The following BTK variants were observed in gnomAD, a reference collection of about 807,000 sequenced individuals.
BTK encodes tyrosine-protein kinase BTK.
In BTK, 5 loss-of-function variants were observed where a neutral mutation model predicts 57.4. That is an observed-to-expected ratio of 0.09 (90% CI 0.05 to 0.18). The LOEUF (loss-of-function observed/expected upper bound fraction) is 0.18. BTK is among the 10% of genes least tolerant of loss of function. The pLI, the probability that BTK is intolerant of heterozygous loss-of-function variation, is 1.00. For missense variants in BTK, 194 were observed against 501.2 expected (o/e 0.39, Z 5.85); for synonymous variants, 154 against 174.3 (o/e 0.88, Z 0.92).
chrX:101,383,051 T>A (rs1555982016), intron 1 of BTK, among the ~76,000 whole-genome samples: 2 of 111,411 alleles, frequency 1.8e-5, no homozygotes, highest in African/African-American at 6.5e-5. Context: ...AGAAAATATG[T>A]CAAGTACAGG....
At chrX:101,357,000 T>A in intron 13 of BTK, 45 bp from the exon 14 acceptor site, 1 of 1,188,533 alleles carries the variant, frequency 8.4e-7, no homozygotes, top group Non-Finnish European at 1.1e-6. Context: ...CATGAATGTA[T>A]AATTCTTACA....
At chrX:101,350,401 CTTTTT>C (rs782749965) in intron 18 of BTK, among the ~76,000 whole-genome samples, 1 of 68,710 alleles carries the variant, frequency 1.5e-5, no homozygotes, top group Non-Finnish European at 2.7e-5. Context: ...TACCTGGGAC[CTTTTT>C]TTTTTTTTTT....
chrX:101,373,658 G>C (rs782272147), intron 3 of BTK, among the ~76,000 whole-genome samples: 3 of 112,241 alleles, frequency 2.7e-5, no homozygotes, highest in African/African-American at 9.7e-5. Context: ...CTGGGTAACA[G>C]GATTATGCAT....
rs1555980783 is a variant in BTK, at chrX:101,374,526, C to T, written c.240+10G>A. The T allele has an allele frequency of 1.7e-6, 2 of 1,195,641 alleles. No homozygotes were observed. Among genetic ancestry groups the T allele is most frequent in the African/African-American group, 3.5e-5 (2 of 57,599 alleles). ...GCTGTTCCCCATCTCAGACATTGGTCTCTTCTTACCGGAATCTGTCTTTCT... is the reference window on the plus strand; with the variant it reads ...GCTGTTCCCCATCTCAGACATTGGTTTCTTCTTACCGGAATCTGTCTTTCT... On this transcript the variant is annotated intron_variant, in intron 3 of 18. Coordinates refer to ENST00000308731, the MANE Select transcript of BTK (RefSeq NM_000061.3).
chrX:101,379,791 T>C (rs1927351824), intron 1 of BTK, among the ~76,000 whole-genome samples: 1 of 111,929 alleles, frequency 8.9e-6, no homozygotes, highest in Non-Finnish European at 1.9e-5. Context: ...TAAGAGAGTA[T>C]TCAAGATCCT....
intron 8 of BTK, 125 bp downstream of exon 8, chrX:101,360,443 G>A: frequency 1.3e-6 from 1 of 761,372 alleles, no homozygotes; most frequent in Non-Finnish European, 2.0e-6. Flanking sequence ...GGGAGAGCAT[G>A]TTCAGTCTGG....
chrX:101,388,530 A>G (rs191622745), upstream of BTK, among the ~76,000 whole-genome samples: 37 of 112,054 alleles, frequency 3.3e-4, no homozygotes, highest in Middle Eastern at 4.6e-3. Flanking sequence ...TAGTCTATGA[A>G]TGGTGCAAGG....
intron 1 of BTK, among the ~76,000 whole-genome samples, chrX:101,379,555 C>T (rs1927343795): frequency 8.9e-6 from 1 of 112,453 alleles, no homozygotes; most frequent in African/African-American, 3.2e-5. Context: ...CCATCTGTAG[C>T]TCTTGGTATA....
chrX:101,388,897 T>C (rs1927695760), upstream of BTK, among the ~76,000 whole-genome samples: 2 of 111,760 alleles, frequency 1.8e-5, no homozygotes, highest in African/African-American at 6.5e-5. Context: ...CCTAGAGTCC[T>C]GCATTCAGTT....
intron 12 of BTK, 59 bp from the exon 13 acceptor site, chrX:101,357,642 C>T: frequency 1.1e-6 from 1 of 949,773 alleles, no homozygotes; most frequent in Non-Finnish European, 1.5e-6. Context: ...ATGCCTCACA[C>T]ATCCTCACTT....
At chrX:101,377,742 T>C (rs1927257382) in intron 1 of BTK, 1 of 111,812 alleles carries the variant, frequency 8.9e-6, no homozygotes, top group East Asian at 2.8e-4. Flanking sequence ...GCTCTGACTA[T>C]GAGGAAGTAA....
chrX:101,370,261 A>G (rs1423834847), intron 4 of BTK, among the ~76,000 whole-genome samples, 182 bp from the exon 5 acceptor site: 1 of 112,069 alleles, frequency 8.9e-6, no homozygotes, highest in African/African-American at 3.2e-5. Flanking sequence ...TGAACTCTTC[A>G]TATCTAGGAA....
At chrX:101,375,071 C>G in intron 2 of BTK, 73 bp downstream of exon 2, 2 of 1,181,336 alleles carry the variant, frequency 1.7e-6, no homozygotes, top group Non-Finnish European at 2.3e-6. Flanking sequence ...GAAAATTTAC[C>G]TCTTCCCCAA....
At chrX:101,362,013 C>G (rs1603009787) in intron 7 of BTK, among the ~76,000 whole-genome samples, 160 bp downstream of exon 7, 1 of 112,769 alleles carries the variant, frequency 8.9e-6, no homozygotes, top group Non-Finnish European at 1.9e-5. Flanking sequence ...ATCTTTCCAT[C>G]GAGGAGGAAA....
intron 18 of BTK, among the ~76,000 whole-genome samples, chrX:101,350,971 C>T (rs1926268244): frequency 8.9e-6 from 1 of 111,766 alleles, no homozygotes; most frequent in Non-Finnish European, 1.9e-5. Context: ...CATAGCTAAT[C>T]AGAATTTCTG....
chrX:101,363,621 G>A (rs976463036), intron 5 of BTK, among the ~76,000 whole-genome samples: 2 of 107,122 alleles, frequency 1.9e-5, no homozygotes, highest in Non-Finnish European at 3.8e-5. Flanking sequence ...CAAGAGAATC[G>A]CTTGAACCTG....
At chrX:101,353,040 TG>T in intron 18 of BTK, 153 bp downstream of exon 18, 1 of 540,291 alleles carries the variant, frequency 1.9e-6, no homozygotes, top group Non-Finnish European at 3.0e-6. Context: ...TACTCCAACC[TG>T]GGTGAAAGAG....
intron 1 of BTK, among the ~76,000 whole-genome samples, chrX:101,376,739 G>A (rs1470129311): frequency 9.1e-6 from 1 of 110,409 alleles, no homozygotes; most frequent in East Asian, 2.8e-4. Flanking sequence ...TGGTGGGGGG[G>A]TGGGGGTGGG....
intron 16 of BTK, chrX:101,354,191 G>A: frequency 1.4e-5 from 6 of 440,041 alleles, no homozygotes; most frequent in Non-Finnish European, 2.0e-5. Context: ...TTGACAATAT[G>A]GTTACAAGAA....
Sources: allele counts gnomAD v4.1 joint callset (sites outside exome capture counted in the v4.1 genomes callset), GRCh38; gene constraint gnomAD v4.1.1; transcripts MANE v1.5; gene names NCBI Gene and HGNC (gene_info 2026-07-23, HGNC 2026-07-21).